Variants in EFCAB13 observed in about 807,000 individuals in gnomAD.
EFCAB13 encodes the protein EF-hand calcium binding domain 13, also known as EF-hand calcium-binding domain-containing protein 13.
EFCAB13 carries 91 observed loss-of-function variants against 110.2 expected under a neutral mutation model. That is an observed-to-expected ratio of 0.83 (90% CI 0.70 to 0.98). The LOEUF (loss-of-function observed/expected upper bound fraction) is 0.98. Among genes scored for constraint, EFCAB13 ranks in the 50% least tolerant of loss-of-function variants. The pLI is 0.00. For synonymous variants in EFCAB13, 323 were observed against 369.9 expected (o/e 0.87, Z 1.45); for missense variants, 968 against 1,119.4 (o/e 0.86, Z 1.93).
intron 24 of EFCAB13, among the ~76,000 whole-genome samples, chr17:47,436,120 A>C (rs1407898387): frequency 6.6e-6 from 1 of 152,162 alleles, no homozygotes; most frequent in Non-Finnish European, 1.5e-5. Context: ...CCTGGTACGA[A>C]ACCCACTTGA....
chr17:47,341,020 G>A (rs1173089025), intron 5 of EFCAB13, among the ~76,000 whole-genome samples: 3 of 151,942 alleles, frequency 2.0e-5, no homozygotes, highest in African/African-American at 7.3e-5. Flanking sequence ...TCACCACCTA[G>A]AGAGTGGTTT....
At chr17:47,351,321 G>A (rs1193961041) in intron 9 of EFCAB13, among the ~76,000 whole-genome samples, 44 of 148,624 alleles carry the variant, frequency 3.0e-4, no homozygotes, top group South Asian at 1.7e-3. Context: ...GCGCGCGCGC[G>A]CGCGCGCCAC....
intron 24 of EFCAB13, among the ~76,000 whole-genome samples, chr17:47,435,731 G>A (rs1169488461): frequency 1.3e-5 from 2 of 151,490 alleles, no homozygotes; most frequent in African/African-American, 4.8e-5. Flanking sequence ...ATCATCATCT[G>A]CAAATAGTGA....
chr17:47,403,748 G>C, intron 18 of EFCAB13, 130 bp from the exon 19 acceptor site: 1 of 707,138 alleles, frequency 1.4e-6, no homozygotes, highest in African/African-American at 1.9e-5. Flanking sequence ...AATTCTATGA[G>C]GGGAGAATTT....
In EFCAB13 at chr17:47,426,436, T is replaced by G. The variant is rs572838798; in HGVS notation, c.2495-3382T>G. Reference sequence around the variant, plus strand: ...AGAATAGGTTAACATGAAAACCCAATAAGACTTTCCATCTTGGCAGCCATC... The same window carrying G: ...AGAATAGGTTAACATGAAAACCCAAGAAGACTTTCCATCTTGGCAGCCATC... On this transcript the variant is annotated intron_variant, in intron 23 of 24. Coordinates refer to ENST00000331493, the MANE Select transcript of EFCAB13 (RefSeq NM_152347.5). Among the ~76,000 whole-genome samples the G allele has an allele frequency of 2.0e-5, 3 of 152,292 alleles. No individual in the cohort carries two copies. In the East Asian group the frequency reaches 5.8e-4, roughly 29 times the overall value.
intron 23 of EFCAB13, among the ~76,000 whole-genome samples, chr17:47,418,845 A>G (rs956328175): frequency 3.3e-5 from 5 of 152,140 alleles, no homozygotes; most frequent in Non-Finnish European, 7.4e-5. Flanking sequence ...CCTTAGAGAA[A>G]ATCAATTGAT....
chr17:47,375,861 A>G (rs2065612447), intron 12 of EFCAB13, among the ~76,000 whole-genome samples: 1 of 152,220 alleles, frequency 6.6e-6, no homozygotes, highest in Admixed American at 6.5e-5. Context: ...TAATATTCAT[A>G]GTACTTCAGG....
At position 47,404,678 on chromosome 17, in the gene EFCAB13, C is replaced by T. The variant is rs778564728; in HGVS notation, c.2233+45C>T. 14 of 1,455,592 alleles carry T rather than the reference C, an allele frequency of 9.6e-6. No individual in the cohort carries two copies. In the East Asian group the frequency reaches 3.2e-4, roughly 34 times the overall value. 90.2% of individuals were successfully genotyped at this position (1,455,592 alleles called of 1,614,324 possible). A position where few individuals can be genotyped will look rare whatever the true frequency, so the allele number is the denominator to read the frequency against. ...ACTGTTAGAAGGCAATGATACAGAACTTATTCAAAGTTCACCTAGTAAAAC... is the reference window on the plus strand; with the variant it reads ...ACTGTTAGAAGGCAATGATACAGAATTTATTCAAAGTTCACCTAGTAAAAC... On this transcript the variant is annotated intron_variant, in intron 20 of 24. Coordinates refer to ENST00000331493, the MANE Select transcript of EFCAB13 (RefSeq NM_152347.5).
At chr17:47,390,224 A>G (rs1260965370) in intron 14 of EFCAB13, among the ~76,000 whole-genome samples, 1 of 151,080 alleles carries the variant, frequency 6.6e-6, no homozygotes, top group Non-Finnish European at 1.5e-5. Context: ...GTGTTTGTAT[A>G]TTATAAAACT....
chr17:47,335,230 C>T lies in EFCAB13; in HGVS notation c.65C>T (p.Ser22Phe). Residue 22 changes from serine (S) to phenylalanine (F), a missense_variant, in exon 5 of 25, where the codon TCT becomes TTT. Ser to Phe is a radical substitution (Grantham distance 155). Coordinates refer to ENST00000331493, the MANE Select transcript of EFCAB13 (RefSeq NM_152347.5). ...AATATTGACTTATTAGATGATGGCTCTAATTCTTTTGCAACTGACTTGTCA... is the reference window on the plus strand; with the variant it reads ...AATATTGACTTATTAGATGATGGCTTTAATTCTTTTGCAACTGACTTGTCA... ...EENIDLLDDG[S>F]NSFATDLSSG... 6.2e-7 allele frequency: 1 copy of T among 1,609,422 alleles called. No homozygotes were observed. The highest frequency in any genetic ancestry group is 8.5e-7 in the Non-Finnish European group (1 of 1,178,722).
chr17:47,337,500 T>C (rs2065358065), intron 5 of EFCAB13, among the ~76,000 whole-genome samples: 1 of 152,140 alleles, frequency 6.6e-6, no homozygotes, highest in Non-Finnish European at 1.5e-5. Flanking sequence ...AATTTAAAAA[T>C]GGGGTACAGG....
chr17:47,324,396 C>G (rs1042547786), intron 1 of EFCAB13, 58 bp from the exon 2 acceptor site: 3 of 152,142 alleles, frequency 2.0e-5, no homozygotes, highest in East Asian at 1.9e-4. Flanking sequence ...TTAGCACACT[C>G]ATTTCCATCT....
intron 17 of EFCAB13, among the ~76,000 whole-genome samples, chr17:47,401,640 C>CTTTT (rs763737651): frequency 5.9e-4 from 50 of 84,524 alleles, no homozygotes; most frequent in Non-Finnish European, 8.8e-4. Context: ...CTCAGCCTGA[C>CTTTT]TTTTTTTTTT....
chr17:47,369,070 G>A (rs1263056526), intron 10 of EFCAB13, among the ~76,000 whole-genome samples: 2 of 152,120 alleles, frequency 1.3e-5, no homozygotes, highest in Non-Finnish European at 2.9e-5. Flanking sequence ...TTTAATCATC[G>A]ATGAGAATGG....
intron 4 of EFCAB13, among the ~76,000 whole-genome samples, chr17:47,331,829 G>A (rs1165852480): frequency 6.6e-6 from 1 of 151,994 alleles, no homozygotes; most frequent in Non-Finnish European, 1.5e-5. Flanking sequence ...ATACAATATG[G>A]AACCATTCAG....
chr17:47,412,915 T>C lies in EFCAB13; in HGVS notation c.2421T>C (p.Ser807=). 4.4e-6 allele frequency: 7 copies of C among 1,603,278 alleles called. No individual in the cohort carries two copies. Among genetic ancestry groups the C allele is most frequent in the Non-Finnish European group, 5.1e-6 (6 of 1,175,638 alleles). The stretch of plus-strand genomic sequence containing the variant: ...AAGCCCTTAACTGTTGTAACGTCAG[T>C]GGTGAGCATTTTTTTGGCCTGAGAT... The part of the protein sequence containing the change: ...FNEALNCCNV[S]DNMEVDLKDF... Residue 807 remains serine (S), a splice_region_variant and synonymous_variant, in exon 22 of 25, where the codon AGT becomes AGC. Coordinates refer to ENST00000331493, the MANE Select transcript of EFCAB13 (RefSeq NM_152347.5).
At chr17:47,397,999 C>T (rs545177290) in intron 17 of EFCAB13, among the ~76,000 whole-genome samples, 9 of 149,266 alleles carry the variant, frequency 6.0e-5, no homozygotes, top group African/African-American at 2.2e-4. Context: ...CCAGCCGCCC[C>T]GTCCGGGAGG....
At chr17:47,398,797 C>T (rs2065762785) in intron 17 of EFCAB13, among the ~76,000 whole-genome samples, 1 of 151,504 alleles carries the variant, frequency 6.6e-6, no homozygotes, top group African/African-American at 2.4e-5. Flanking sequence ...CCACTATTGT[C>T]CTATGACCGT....
At chr17:47,367,771 G>C (rs1427876005) in intron 10 of EFCAB13, among the ~76,000 whole-genome samples, 1 of 152,126 alleles carries the variant, frequency 6.6e-6, no homozygotes, top group Non-Finnish European at 1.5e-5. Flanking sequence ...GATTTAACCA[G>C]TCCTCTCATC....
Sources: gnomAD v4.1 joint callset for allele counts (sites outside exome capture counted in the v4.1 genomes callset) on GRCh38, gnomAD v4.1.1 for gene constraint, MANE v1.5 for transcripts, NCBI Gene and HGNC (gene_info 2026-07-23, HGNC 2026-07-21) for gene names.